The following MINDY2 variants were observed in gnomAD, a reference collection of about 807,000 sequenced individuals.
The protein encoded by MINDY2 is MINDY lysine 48 deubiquitinase 2.
MINDY2 carries 52 observed loss-of-function variants against 68.2 expected under a neutral mutation model. That is an observed-to-expected ratio of 0.76 (90% CI 0.61 to 0.96). The LOEUF is 0.96. Among genes scored for constraint, MINDY2 ranks in the 40% least tolerant of loss-of-function variants. The pLI is 0.00. For synonymous variants in MINDY2, 372 were observed against 303.0 expected (o/e 1.23, Z -2.36); for missense variants, 881 against 773.4 (o/e 1.14, Z -1.65).
intron 1 of MINDY2, among the ~76,000 whole-genome samples, 167 bp from the exon 2 acceptor site, chr15:58,787,736 CAAA>C (rs5812951): frequency 1.1e-4 from 10 of 92,828 alleles, no homozygotes; most frequent in Admixed American, 2.3e-4. Context: ...GAGTCCGTCT[CAAA>C]AAAAAAAAAA....
intron 5 of MINDY2, among the ~76,000 whole-genome samples, chr15:58,830,185 T>C (rs2031637994): frequency 3.9e-5 from 6 of 152,184 alleles, no homozygotes; most frequent in Non-Finnish European, 8.8e-5. Context: ...AACACTGAAT[T>C]AGTGAATGCT....
Position 58,771,832 on chromosome 15 carries a change from C to G in MINDY2, c.437C>G (p.Ala146Gly), listed in dbSNP as rs775174435. 1.9e-6 allele frequency: 3 copies of G among 1,608,486 alleles called. No homozygotes were observed. Among genetic ancestry groups the G allele is most frequent in the South Asian group, 2.2e-5 (2 of 90,800 alleles). Residue 146 changes from alanine to glycine, a missense_variant, in exon 1 of 9, where the codon GCC becomes GGC. Coordinates refer to ENST00000559228, the MANE Select transcript of MINDY2 (RefSeq NM_001040450.3). ...ACCTGCCAAGCAGAACTGACCGCCG[C>G]CGGCTCCGAAGAGCCCAGCAGCGCC... ...AGTCQAELTA[A>G]GSEEPSSAGG...
Position 58,860,321 on chromosome 15 carries a change from A to G in MINDY2, c.*5711A>G, listed in dbSNP as rs1242100885. On this transcript the variant is annotated 3_prime_UTR_variant, in exon 9 of 9. Transcript: ENST00000559228. ...TGCGGTGGCTCATGCCTGTAATCCC[A>G]GCACTTTGGGAGGCTGAGGTGGGTG... 6.6e-6 allele frequency: 1 copy of G among 152,214 alleles called. No homozygotes were observed. Among genetic ancestry groups the G allele is most frequent in the Non-Finnish European group, 1.5e-5 (1 of 68,038 alleles). The allele number at this position is 152,214 out of a possible 1,614,324, so 9.4% of individuals were successfully genotyped here.
chr15:58,844,576 A>G (rs1356188770), intron 6 of MINDY2, among the ~76,000 whole-genome samples: 2 of 150,706 alleles, frequency 1.3e-5, no homozygotes, highest in East Asian at 3.9e-4. Flanking sequence ...AAAAAAAAAA[A>G]AAAAAATCTG....
chr15:58,846,093 A>T (rs1433160743), intron 6 of MINDY2, among the ~76,000 whole-genome samples: 5 of 90,946 alleles, frequency 5.5e-5, no homozygotes, highest in East Asian at 5.0e-4. Context: ...AATGGATGTT[A>T]AAAAAAAAAA....
chr15:58,828,666 T>C (rs1035228640), intron 5 of MINDY2, among the ~76,000 whole-genome samples: 17 of 146,836 alleles, frequency 1.2e-4, no homozygotes, highest in Non-Finnish European at 1.0e-4. Flanking sequence ...GTTCACGCCA[T>C]TCTCCTGCCT....
intron 2 of MINDY2, among the ~76,000 whole-genome samples, chr15:58,791,213 TTTTATATATATATATATATA>T (rs1289256131): frequency 2.6e-5 from 1 of 38,338 alleles, no homozygotes; most frequent in African/African-American, 6.5e-5. Context: ...AGGAAAGCAA[TTTTATATATATATATATATA>T]TATATATATA....
intron 5 of MINDY2, among the ~76,000 whole-genome samples, chr15:58,829,447 A>C (rs2031597694): frequency 6.6e-6 from 1 of 152,198 alleles, no homozygotes; most frequent in African/African-American, 2.4e-5. Context: ...CAAGTCACTT[A>C]TTCTCTCTGA....
intron 3 of MINDY2, among the ~76,000 whole-genome samples, chr15:58,807,477 T>G (rs1387748944): frequency 1.8e-4 from 27 of 148,288 alleles, no homozygotes; most frequent in African/African-American, 6.7e-4. Context: ...TGCCTCAGCC[T>G]CCCGAGTAGC....
In MINDY2 at chr15:58,861,358, G is replaced by A. The variant is rs1171820465; in HGVS notation, c.*6748G>A. 6.6e-6 allele frequency: 1 copy of A among 152,146 alleles called. No homozygotes were observed. The highest frequency in any genetic ancestry group is 2.4e-5 in the African/African-American group (1 of 41,448). 9.4% of individuals were successfully genotyped at this position (152,146 alleles called of 1,614,324 possible). On this transcript the variant is annotated 3_prime_UTR_variant, in exon 9 of 9. Coordinates refer to ENST00000559228, the MANE Select transcript of MINDY2 (RefSeq NM_001040450.3). ...GCGTTTTAATATATAGATTACGTAT[G>A]AGTGCCTATTTTTTCCTCCTCCTTT...
chr15:58,818,382 A>G (rs1043297081), intron 4 of MINDY2, among the ~76,000 whole-genome samples: 1 of 152,056 alleles, frequency 6.6e-6, no homozygotes, highest in Non-Finnish European at 1.5e-5. Context: ...CAGCTTCCTG[A>G]GTAGCTGGGA....
rs2033120436 is a variant in MINDY2 at position 58,858,251 on chromosome 15, A to G, written c.*3641A>G. ...AATTTAGGATTAGGCTTTGGAATATATCTTGTTTTTATTGTCTCACATTTC... is the reference window on the plus strand; with the variant it reads ...AATTTAGGATTAGGCTTTGGAATATGTCTTGTTTTTATTGTCTCACATTTC... On this transcript the variant is annotated 3_prime_UTR_variant, in exon 9 of 9. Coordinates refer to ENST00000559228, the MANE Select transcript of MINDY2 (RefSeq NM_001040450.3). 1 of 152,186 alleles carries G rather than the reference A, an allele frequency of 6.6e-6. No individual in the cohort carries two copies. Among genetic ancestry groups the G allele is most frequent in the Admixed American group, 6.5e-5 (1 of 15,272 alleles). The allele number at this position is 152,186 out of a possible 1,614,324, so 9.4% of individuals were successfully genotyped here.
intron 4 of MINDY2, among the ~76,000 whole-genome samples, chr15:58,820,300 C>T (rs577371315): frequency 6.6e-6 from 1 of 151,230 alleles, no homozygotes; most frequent in Non-Finnish European, 1.5e-5. Flanking sequence ...AAAAATTAGT[C>T]AGGTGTGGTG....
intron 7 of MINDY2, among the ~76,000 whole-genome samples, chr15:58,849,787 G>A (rs6494042): frequency 0.016 from 2,506 of 152,192 alleles, 83 homozygotes; most frequent in African/African-American, 0.057. Flanking sequence ...TGTCACCAAG[G>A]CTAGAGTACA....
chr15:58,825,012 A>G (rs144745969), intron 5 of MINDY2, among the ~76,000 whole-genome samples: 37 of 152,234 alleles, frequency 2.4e-4, no homozygotes, highest in Non-Finnish European at 3.8e-4. Context: ...AGTTAAAGTA[A>G]TCTGCTTTCA....
chr15:58,823,515 T>C (rs1318034310), intron 5 of MINDY2, among the ~76,000 whole-genome samples: 14 of 151,458 alleles, frequency 9.2e-5, no homozygotes, highest in Admixed American at 9.2e-4. Context: ...CTCTAAAAAA[T>C]AAAAATAAAA....
chr15:58,813,732 C>G (rs1394982454), intron 4 of MINDY2, among the ~76,000 whole-genome samples: 2 of 148,322 alleles, frequency 1.3e-5, no homozygotes, highest in Non-Finnish European at 3.0e-5. Flanking sequence ...ACCATTATGC[C>G]CCGTTAACTT....
intron 6 of MINDY2, among the ~76,000 whole-genome samples, chr15:58,840,705 G>A (rs1428209128): frequency 6.7e-6 from 1 of 148,700 alleles, no homozygotes. Flanking sequence ...CACCCAGGCT[G>A]GAGTGCAGTG....
chr15:58,831,041 G>GTA (rs61211927), intron 5 of MINDY2, among the ~76,000 whole-genome samples: 1,342 of 124,884 alleles, frequency 0.011, 33 homozygotes, highest in African/African-American at 0.027. Context: ...GTGTGTGTGT[G>GTA]TATATATATA....
Sources: gnomAD v4.1 joint callset for allele counts (sites outside exome capture counted in the v4.1 genomes callset) on GRCh38, gnomAD v4.1.1 for gene constraint, MANE v1.5 for transcripts, NCBI Gene and HGNC (gene_info 2026-07-23, HGNC 2026-07-21) for gene names.